PTPRG: variants seen among roughly 807,000 people sequenced by gnomAD.
PTPRG encodes protein tyrosine phosphatase receptor type G.
PTPRG carries 102 observed loss-of-function variants against 165.3 expected under a neutral mutation model. That is an observed-to-expected ratio of 0.62 (90% CI 0.53 to 0.73). The LOEUF (loss-of-function observed/expected upper bound fraction) is 0.73. Among genes scored for constraint, PTPRG ranks in the 30% least tolerant of loss-of-function variants. The pLI, the probability that PTPRG is intolerant of heterozygous loss-of-function variation, is 0.00. For missense variants in PTPRG, 1,866 were observed against 1,861.4 expected (o/e 1.00, Z -0.05); for synonymous variants, 675 against 669.5 (o/e 1.01, Z -0.13).
chr3:61,880,608 C>T (rs981625819), intron 2 of PTPRG, among the ~76,000 whole-genome samples: 25 of 133,410 alleles, frequency 1.9e-4, no homozygotes, highest in Non-Finnish European at 3.5e-4. Flanking sequence ...TGGGTGACAA[C>T]GCGAACCCTG....
At chr3:62,269,218 G>T in intron 20 of PTPRG, 49 bp downstream of exon 20, 1 of 1,499,316 alleles carries the variant, frequency 6.7e-7, no homozygotes, top group Non-Finnish European at 9.0e-7. Flanking sequence ...TTTTATACTT[G>T]TATGAAAATT....
At position 62,210,834 on chromosome 3, in the gene PTPRG, A is replaced by G. The variant is rs1700341695; in HGVS notation, c.2155+6884A>G. On this transcript the variant is annotated intron_variant, in intron 12 of 29. Coordinates refer to ENST00000474889, the MANE Select transcript of PTPRG (RefSeq NM_002841.4). This position sits in a 1 kb window ranked among gnomAD's most constrained non-coding sequence, Gnocchi z 4.1. Reference sequence around the variant, plus strand: ...TTACTTTATTGTAAGAATATAGCATATAATACAAATAATATACAAATATGT... The same window carrying G: ...TTACTTTATTGTAAGAATATAGCATGTAATACAAATAATATACAAATATGT... 6.6e-6 allele frequency among the ~76,000 whole-genome samples: 1 copy of G among 152,216 alleles called. No homozygotes were observed. Among genetic ancestry groups the G allele is most frequent in the African/African-American group, 2.4e-5 (1 of 41,456 alleles).
intron 5 of PTPRG, among the ~76,000 whole-genome samples, chr3:62,129,721 G>A (rs1703444771): frequency 1.3e-5 from 2 of 152,148 alleles, no homozygotes; most frequent in South Asian, 2.1e-4. Flanking sequence ...TTTCCAACAC[G>A]TGAAATGTTG....
At chr3:61,953,615 G>A (rs985792698) in intron 2 of PTPRG, among the ~76,000 whole-genome samples, 1 of 152,152 alleles carries the variant, frequency 6.6e-6, no homozygotes, top group Non-Finnish European at 1.5e-5. Flanking sequence ...TCTTCCCACA[G>A]GCTGGGTTCC....
At chr3:61,623,373 T>C (rs1251312001) in intron 1 of PTPRG, among the ~76,000 whole-genome samples, 1 of 152,068 alleles carries the variant, frequency 6.6e-6, no homozygotes, top group Non-Finnish European at 1.5e-5. Context: ...AGAGGAAAGT[T>C]GGGGGACTAG....
At chr3:62,064,206 C>G (rs953097381) in intron 4 of PTPRG, among the ~76,000 whole-genome samples, 2 of 152,116 alleles carry the variant, frequency 1.3e-5, no homozygotes, top group African/African-American at 4.8e-5. Flanking sequence ...TTTCTTGGCC[C>G]CAAATGAATA....
chr3:61,626,590 C>G (rs569462601), intron 1 of PTPRG, among the ~76,000 whole-genome samples: 3 of 152,150 alleles, frequency 2.0e-5, no homozygotes, highest in Non-Finnish European at 4.4e-5. Context: ...CTGTCTGTAT[C>G]CACCAAATCG....
At chr3:61,683,569 C>G (rs529853458) in intron 1 of PTPRG, among the ~76,000 whole-genome samples, 13 of 152,316 alleles carry the variant, frequency 8.5e-5, no homozygotes, top group African/African-American at 3.1e-4. Flanking sequence ...GAGTTTGTGG[C>G]CTTTTCTAAA....
intron 2 of PTPRG, among the ~76,000 whole-genome samples, chr3:61,986,210 A>C (rs1467397865): frequency 6.6e-6 from 1 of 150,740 alleles, no homozygotes; most frequent in Non-Finnish European, 1.5e-5. Flanking sequence ...CTTTCAATTC[A>C]TTCATTTGTA....
intron 2 of PTPRG, among the ~76,000 whole-genome samples, chr3:61,762,633 A>G (rs2033890592): frequency 6.6e-6 from 1 of 152,118 alleles, no homozygotes; most frequent in Non-Finnish European, 1.5e-5. Context: ...TGAGTACACC[A>G]TAGCTAGCAA....
chr3:61,893,572 C>T (rs1330706451), intron 2 of PTPRG, among the ~76,000 whole-genome samples: 3 of 152,158 alleles, frequency 2.0e-5, no homozygotes, highest in African/African-American at 7.2e-5. Context: ...TACAAAAATC[C>T]ACTTGAGGAC....
At chr3:61,653,343 A>G (rs1702413834) in intron 1 of PTPRG, among the ~76,000 whole-genome samples, 1 of 152,118 alleles carries the variant, frequency 6.6e-6, no homozygotes, top group Admixed American at 6.5e-5. Flanking sequence ...AGCATGGTTC[A>G]TAATGGGTGG....
chr3:62,219,568 T>C lies in PTPRG; in HGVS notation c.2288+585T>C, dbSNP rs945640988. 2.0e-5 allele frequency among the ~76,000 whole-genome samples: 3 copies of C among 152,218 alleles called. No homozygotes were observed. The highest frequency in any genetic ancestry group is 7.2e-5 in the African/African-American group (3 of 41,452). ...CCAGGTTGCAGCCTCTGTTTAGAAG[T>C]TGTGTTTTTTCAGCCGGACCGTCTC... On this transcript the variant is annotated intron_variant, in intron 13 of 29. Coordinates refer to ENST00000474889, the MANE Select transcript of PTPRG (RefSeq NM_002841.4). This position sits in a 1 kb window ranked among gnomAD's most constrained non-coding sequence, Gnocchi z 4.5.
At chr3:61,613,423 C>T (rs1701227340) in intron 1 of PTPRG, among the ~76,000 whole-genome samples, 1 of 152,194 alleles carries the variant, frequency 6.6e-6, no homozygotes, top group Non-Finnish European at 1.5e-5. Context: ...CTCAGCACTG[C>T]TGTCACAATT....
chr3:61,767,971 CAAA>C lies in PTPRG; in HGVS notation c.190+19009_190+19011del, dbSNP rs35466366. Among the ~76,000 whole-genome samples, 619 of 104,152 alleles carry C rather than the reference CAAA, an allele frequency of 5.9e-3. 4 individuals are homozygous for C. Among genetic ancestry groups the C allele is most frequent in the South Asian group, 0.021 (60 of 2,868 alleles). 68.3% of individuals were successfully genotyped at this position (104,152 alleles called of 152,430 possible). ...GGTGACAGAAAGCAAGACCCTGTCT[CAAA>C]AAAAAAAAAAAAAAAAAAATCTTGG... On this transcript the variant is annotated intron_variant, in intron 2 of 29. Transcript: ENST00000474889.
Position 61,613,899 on chromosome 3 carries a change from G to C in PTPRG, c.85+51527G>C, listed in dbSNP as rs543637861. Among the ~76,000 whole-genome samples the C allele has an allele frequency of 3.3e-4, 50 of 152,246 alleles. No individual in the cohort carries two copies. The South Asian group carries it at 0.01, about 32-fold the overall frequency. On this transcript the variant is annotated intron_variant, in intron 1 of 29. Coordinates refer to ENST00000474889, the MANE Select transcript of PTPRG (RefSeq NM_002841.4). ...GGAATTTAGAGTAATCTCAGGGCAT[G>C]GCTTTCTAGAATGATCCTCACATCC... is the stretch of plus-strand genomic sequence containing the variant.
At chr3:62,231,353 C>T (rs374193841) in intron 14 of PTPRG, 42 bp downstream of exon 14, 15 of 1,487,384 alleles carry the variant, frequency 1.0e-5, no homozygotes, top group African/African-American at 8.6e-5. Flanking sequence ...TCTTGATGGC[C>T]GGGACTGGCT....
chr3:61,903,959 T>A (rs1438780372), intron 2 of PTPRG, among the ~76,000 whole-genome samples: 1 of 152,206 alleles, frequency 6.6e-6, no homozygotes, highest in African/African-American at 2.4e-5. Context: ...CTGGACTGAC[T>A]TAAACTTGTC....
intron 13 of PTPRG, among the ~76,000 whole-genome samples, chr3:62,227,070 GCAAA>G (rs745779237): frequency 2.1e-4 from 32 of 152,262 alleles, no homozygotes; most frequent in Non-Finnish European, 3.4e-4. Flanking sequence ...GGAGGCTCAG[GCAAA>G]CAAACAGATG....
Sources: allele counts gnomAD v4.1 joint callset (sites outside exome capture counted in the v4.1 genomes callset), GRCh38; gene constraint gnomAD v4.1.1; non-coding constraint Gnocchi (gnomAD v3.1); transcripts MANE v1.5; gene names NCBI Gene and HGNC (gene_info 2026-07-23, HGNC 2026-07-21).